The following HJURP variants were observed in gnomAD, a reference collection of about 807,000 sequenced individuals.
The protein encoded by HJURP is 14-3-3-associated AKT substrate.
Under a neutral mutation model 72.0 loss-of-function variants are expected in HJURP, and 49 were observed. The observed-to-expected ratio is 0.68, with a 90% CI of 0.54 to 0.86. The LOEUF is 0.86. Among genes scored for constraint, HJURP ranks in the 40% least tolerant of loss-of-function variants. The pLI is 0.00. For synonymous variants in HJURP, 357 were observed against 347.1 expected (o/e 1.03, Z -0.32); for missense variants, 908 against 936.3 (o/e 0.97, Z 0.39).
At chr2:233,847,349 G>A (rs754758860) in intron 5 of HJURP, 48 bp downstream of exon 5, 4 of 1,436,822 alleles carry the variant, frequency 2.8e-6, no homozygotes, top group South Asian at 2.3e-5. Flanking sequence ...GGACCCCTGA[G>A]CCCCCAAGCG....
intron 5 of HJURP, 40 bp from the exon 6 acceptor site, chr2:233,845,860 G>T: frequency 7.4e-7 from 1 of 1,353,308 alleles, no homozygotes; most frequent in Non-Finnish European, 1.1e-6. Context: ...AAGAGCTTCT[G>T]AGTATAGCTG....
chr2:233,842,745 G>A (rs755421249), intron 7 of HJURP, among the ~76,000 whole-genome samples: 2 of 152,186 alleles, frequency 1.3e-5, no homozygotes, highest in Non-Finnish European at 2.9e-5. Context: ...GATAAAAAGA[G>A]CTGCTTGGAA....
intron 8 of HJURP, among the ~76,000 whole-genome samples, chr2:233,840,089 AG>A (rs3836131): frequency 0.34 from 51,338 of 152,026 alleles, 9,209 homozygotes; most frequent in South Asian, 0.5. Flanking sequence ...AACAAGGTGC[AG>A]AAGTTTTAAC....
At chr2:233,842,907 G>C (rs1442761816) in intron 7 of HJURP, among the ~76,000 whole-genome samples, 3 of 152,220 alleles carry the variant, frequency 2.0e-5, no homozygotes, top group Admixed American at 1.3e-4. Context: ...CATCAGGGCA[G>C]GGGTGAAGAA....
chr2:233,852,169 AAG>A (rs1436461676), intron 3 of HJURP, among the ~76,000 whole-genome samples: 2 of 152,204 alleles, frequency 1.3e-5, no homozygotes, highest in Non-Finnish European at 2.9e-5. Flanking sequence ...TCAAAACAGG[AAG>A]AGAGACATTC....
chr2:233,843,496 C>A (rs909477996), intron 7 of HJURP, among the ~76,000 whole-genome samples: 1 of 152,128 alleles, frequency 6.6e-6, no homozygotes, highest in Non-Finnish European at 1.5e-5. Flanking sequence ...TAACGTGAAC[C>A]TAACCACGAG....
At position 233,850,001 on chromosome 2, in the gene HJURP, T is replaced by C. The variant is rs796780658; in HGVS notation, c.241-142A>G. ...CCACAAGGCTTCTCTTCTCCCTGCA[T>C]GTCCACTTTATAAGAGGCCTCAAGA... is the stretch of plus-strand genomic sequence containing the variant. On this transcript the variant is annotated intron_variant, in intron 3 of 8. Transcript: ENST00000411486. The C allele has an allele frequency of 1.1e-4, 67 of 625,002 alleles. No homozygotes were observed. The African/African-American group carries it at 1.1e-3, about 10-fold the overall frequency. 38.7% of individuals were successfully genotyped at this position (625,002 alleles called of 1,614,324 possible). A position where few individuals can be genotyped will look rare whatever the true frequency, so the allele number is the denominator to read the frequency against.
rs1444162713 is a variant in HJURP, at chr2:233,837,036, C to T, written c.*541G>A. 6.5e-6 allele frequency: 1 copy of T among 154,558 alleles called. No individual in the cohort carries two copies. The highest frequency in any genetic ancestry group is 1.4e-5 in the Non-Finnish European group (1 of 69,884). 9.6% of individuals were successfully genotyped at this position (154,558 alleles called of 1,614,324 possible). ...GGAGCAGTGGCTCACGCCTATAATC[C>T]CAGCACTTTGGGAGGCCGAGGCAGA... On this transcript the variant is annotated 3_prime_UTR_variant, in exon 9 of 9. Transcript: ENST00000411486.
chr2:233,841,144 C>T lies in HJURP; in HGVS notation c.1636G>A (p.Gly546Arg). 1.2e-6 allele frequency: 2 copies of T among 1,614,132 alleles called. No individual in the cohort carries two copies. The highest frequency in any genetic ancestry group is 1.7e-6 in the Non-Finnish European group (2 of 1,180,026). ...TTTCTAAATATTCCAGAACTATTTC[C>T]CTGAACGTGAAGGTCAGATGTCTGC... The part of the protein sequence containing the change: ...PQQTSDLHVQ[G>R]NSSGIFRKSV... The change falls in exon 8 of 9, where the codon GGA becomes AGA. Residue 546 changes from glycine (G) to arginine (R), a missense_variant. Physicochemically the swap from Gly to Arg is moderately radical, Grantham distance 125. This residue lies in a region of HJURP where 598 missense variants were observed against 619.5 expected (regional missense o/e 0.97). Transcript: ENST00000411486.
At position 233,837,647 on chromosome 2, in the gene HJURP, TCTC is replaced by T. The variant is rs1705110462; in HGVS notation, c.2174_2176del (p.Gly725del). 1 of 1,597,794 alleles carries T rather than the reference TCTC, an allele frequency of 6.3e-7. No homozygotes were observed. Among genetic ancestry groups the T allele is most frequent in the African/African-American group, 1.3e-5 (1 of 74,094 alleles). On this transcript the variant is annotated inframe_deletion and splice_region_variant, in exon 9 of 9. Coordinates refer to ENST00000411486, the MANE Select transcript of HJURP (RefSeq NM_018410.5). Reference sequence around the variant, plus strand: ...CTCTTCCATCCTGTAAGACGTGTTCTCTCCTCTAGGAAAAAAAAAAGACAAAGA... The same window carrying T: ...CTCTTCCATCCTGTAAGACGTGTTCTCTCTAGGAAAAAAAAAAGACAAAGA...
chr2:233,850,651 A>AAAT (rs1228695047), intron 3 of HJURP, among the ~76,000 whole-genome samples: 2 of 152,210 alleles, frequency 1.3e-5, no homozygotes, highest in African/African-American at 4.8e-5. Flanking sequence ...ACTTGGGGCT[A>AAAT]CCCAGGAGCA....
At position 233,846,932 on chromosome 2, in the gene HJURP, G is replaced by A. The variant is rs752922166; in HGVS notation, c.402+465C>T. Among the ~76,000 whole-genome samples the A allele has an allele frequency of 6.6e-6, 1 of 152,178 alleles. No individual in the cohort carries two copies. Among genetic ancestry groups the A allele is most frequent in the Non-Finnish European group, 1.5e-5 (1 of 68,030 alleles). ...CACTCTGGGAAACAGACATATAGATGACACTTACTGTTTGGGTTAGTGACG... is the reference window on the plus strand; with the variant it reads ...CACTCTGGGAAACAGACATATAGATAACACTTACTGTTTGGGTTAGTGACG... On this transcript the variant is annotated intron_variant, in intron 5 of 8. Transcript: ENST00000411486. The surrounding 1 kb of genome is among the most constrained non-coding windows in gnomAD (Gnocchi z 4.3).
Position 233,841,269 on chromosome 2 carries a change from A to G in HJURP, c.1511T>C (p.Leu504Pro). Reference sequence around the variant, plus strand: ...ACCTGCTTCCAGAGATCTTTTGCCTAGGTTTTCAAAAGCCTCACTTAAACT... The same window carrying G: ...ACCTGCTTCCAGAGATCTTTTGCCTGGGTTTTCAAAAGCCTCACTTAAACT... ...AKSLSEAFENLGKRSLEAGRC... is the reference protein window; with the variant it reads ...AKSLSEAFENPGKRSLEAGRC... Residue 504 changes from leucine to proline, a missense_variant, in exon 8 of 9, where the codon CTA (leucine) becomes CCA (proline). This residue lies in a region of HJURP where 598 missense variants were observed against 619.5 expected (regional missense o/e 0.97). Coordinates refer to ENST00000411486, the MANE Select transcript of HJURP (RefSeq NM_018410.5). 1 of 1,614,072 alleles carries G rather than the reference A, an allele frequency of 6.2e-7. No individual in the cohort carries two copies. Among genetic ancestry groups the G allele is most frequent in the Non-Finnish European group, 8.5e-7 (1 of 1,179,950 alleles).
intron 8 of HJURP, 102 bp downstream of exon 8, chr2:233,840,507 G>A (rs187024608): frequency 1.6e-6 from 2 of 1,223,152 alleles, no homozygotes; most frequent in East Asian, 2.4e-5. Context: ...GAATTCGGCT[G>A]AGATTCACTA....
chr2:233,843,773 T>A (rs765758154), intron 7 of HJURP, among the ~76,000 whole-genome samples: 9 of 152,220 alleles, frequency 5.9e-5, no homozygotes, highest in Non-Finnish European at 1.3e-4. Flanking sequence ...TTAAGCGTAC[T>A]GTAGTCATAA....
intron 3 of HJURP, among the ~76,000 whole-genome samples, chr2:233,850,896 G>A (rs188323579): frequency 6.6e-6 from 1 of 152,270 alleles, no homozygotes; most frequent in East Asian, 1.9e-4. Context: ...GTCAACACCC[G>A]GCCTGCCAGG....
chr2:233,838,183 G>GA (rs1379017385), intron 8 of HJURP, among the ~76,000 whole-genome samples: 1 of 152,182 alleles, frequency 6.6e-6, no homozygotes, highest in Non-Finnish European at 1.5e-5. Flanking sequence ...GGGAAAAGCA[G>GA]AAAAACATAG....
chr2:233,837,316 ATAAC>A lies in HJURP; in HGVS notation c.*257_*260del, dbSNP rs1705098890. 3.4e-6 allele frequency: 1 copy of A among 290,542 alleles called. No individual in the cohort carries two copies. Among genetic ancestry groups the A allele is most frequent in the Admixed American group, 5.9e-5 (1 of 16,874 alleles). The allele number at this position is 290,542 out of a possible 1,614,324, so 18.0% of individuals were successfully genotyped here. Reference sequence around the variant, plus strand: ...AACAAACAAACAAACAAACAAACAAATAACCCCCCCCCAAAAAAAACACACACAT... The same window carrying A: ...AACAAACAAACAAACAAACAAACAAACCCCCCCCAAAAAAAACACACACAT... On this transcript the variant is annotated 3_prime_UTR_variant, in exon 9 of 9. Coordinates refer to ENST00000411486, the MANE Select transcript of HJURP (RefSeq NM_018410.5).
At chr2:233,837,781 T>G (rs1705114722) in intron 8 of HJURP, 129 bp from the exon 9 acceptor site, 6 of 649,270 alleles carry the variant, frequency 9.2e-6, no homozygotes, top group Non-Finnish European at 1.6e-5. Context: ...GAAAGTGGCA[T>G]TACGTTAAAT....
Sources: allele counts gnomAD v4.1 joint callset (sites outside exome capture counted in the v4.1 genomes callset), GRCh38; gene constraint gnomAD v4.1.1; regional missense constraint gnomAD v4.1.1; non-coding constraint Gnocchi (gnomAD v3.1); transcripts MANE v1.5; gene names NCBI Gene and HGNC (gene_info 2026-07-23, HGNC 2026-07-21).